Variants in CDH20 observed in about 807,000 individuals in gnomAD.
The protein encoded by CDH20 is cadherin-20.
In CDH20, 29 loss-of-function variants were observed where a neutral mutation model predicts 74.2. The observed-to-expected ratio is 0.39, with a 90% confidence interval of 0.29 to 0.53. The LOEUF (loss-of-function observed/expected upper bound fraction) is 0.53, where lower values mean the gene tolerates loss of function less well. Ranked by LOEUF, CDH20 falls within the 20% of genes least tolerant of loss-of-function variation. The pLI is 0.69. For missense variants in CDH20, 988 were observed against 1,048.3 expected (o/e 0.94, Z 0.79); for synonymous variants, 469 against 405.4 (o/e 1.16, Z -1.88).
rs546229904 is a variant in CDH20, at chr18:61,433,722, T to C, written c.-152-56680T>C. On this transcript the variant is annotated intron_variant, in intron 1 of 11. Transcript: ENST00000262717. ...TATGAATAGAAGGTGTTTTCTGAAT[T>C]TTACTTGGGCACTTGCCTCTCCTGG... is the stretch of plus-strand genomic sequence containing the variant. Among the ~76,000 whole-genome samples, 50 of 152,296 alleles carry C rather than the reference T, an allele frequency of 3.3e-4. 1 individual carries two copies. Among genetic ancestry groups the C allele is most frequent in the African/African-American group, 1.2e-3 (49 of 41,570 alleles).
chr18:61,535,923 C>T (rs934257376), intron 7 of CDH20, among the ~76,000 whole-genome samples: 7 of 152,124 alleles, frequency 4.6e-5, no homozygotes, highest in Non-Finnish European at 5.9e-5. Context: ...CTGCTAAAAG[C>T]ATACCACAGT....
intron 1 of CDH20, among the ~76,000 whole-genome samples, chr18:61,394,400 G>A (rs1013953229): frequency 6.6e-6 from 1 of 152,078 alleles, no homozygotes; most frequent in Non-Finnish European, 1.5e-5. Flanking sequence ...CAGTATGACT[G>A]GGGTCCATAT....
At chr18:61,432,002 C>T (rs1373386977) in intron 1 of CDH20, among the ~76,000 whole-genome samples, 1 of 151,866 alleles carries the variant, frequency 6.6e-6, no homozygotes, top group Non-Finnish European at 1.5e-5. Flanking sequence ...TTTGGGATGT[C>T]GAGGCGGGCA....
chr18:61,409,348 T>C (rs991747741), intron 1 of CDH20, among the ~76,000 whole-genome samples: 1 of 152,148 alleles, frequency 6.6e-6, no homozygotes, highest in African/African-American at 2.4e-5. Context: ...CAGGCACCTG[T>C]TTCTGTCTTT....
chr18:61,396,445 A>G (rs1384768051), intron 1 of CDH20, among the ~76,000 whole-genome samples: 1 of 152,096 alleles, frequency 6.6e-6, no homozygotes, highest in Non-Finnish European at 1.5e-5. Flanking sequence ...CAGAGGGCTT[A>G]AAACATTCTC....
chr18:61,504,394 G>T (rs1292681264), intron 5 of CDH20, among the ~76,000 whole-genome samples: 1 of 152,172 alleles, frequency 6.6e-6, no homozygotes, highest in Non-Finnish European at 1.5e-5. Context: ...AGTCAAAGAT[G>T]ACAATGACGT....
intron 1 of CDH20, among the ~76,000 whole-genome samples, chr18:61,480,603 T>C (rs550010913): frequency 3.3e-5 from 5 of 152,332 alleles, no homozygotes; most frequent in Admixed American, 2.6e-4. Context: ...TTTATCTCAG[T>C]GACCAGAGGG....
intron 1 of CDH20, among the ~76,000 whole-genome samples, chr18:61,366,667 A>G (rs1316675723): frequency 1.3e-5 from 2 of 152,236 alleles, no homozygotes; most frequent in Middle Eastern, 3.4e-3. Context: ...ATAATTTGTT[A>G]TACAAATTAG....
intron 1 of CDH20, among the ~76,000 whole-genome samples, chr18:61,452,264 A>AATTTT (rs1233769634): frequency 9.2e-5 from 14 of 152,050 alleles, no homozygotes. Flanking sequence ...GTATGTGTGA[A>AATTTT]ATTTTATGTT....
intron 1 of CDH20, among the ~76,000 whole-genome samples, chr18:61,344,686 G>A (rs1714074187): frequency 6.6e-6 from 1 of 151,916 alleles, no homozygotes; most frequent in Non-Finnish European, 1.5e-5. Flanking sequence ...AAGGTTTTTA[G>A]GGCTTAAAAA....
Position 61,498,586 on chromosome 18 carries a change from T to C in CDH20, c.247-600T>C, listed in dbSNP as rs143776187. 4.6e-3 allele frequency among the ~76,000 whole-genome samples: 698 copies of C among 152,242 alleles called. 9 individuals are homozygous for C. Among genetic ancestry groups the C allele is most frequent in the African/African-American group, 0.016 (663 of 41,536 alleles). ...AATCATAACCAGCAGTTAAATTCCA[T>C]TTGACACCTGAAACACAAGCCCAGT... On this transcript the variant is annotated intron_variant, in intron 2 of 11. Transcript: ENST00000262717.
intron 7 of CDH20, among the ~76,000 whole-genome samples, chr18:61,532,496 T>C (rs541596927): frequency 1.3e-5 from 2 of 151,816 alleles, no homozygotes; most frequent in Admixed American, 1.3e-4. Context: ...TTACCAACGA[T>C]ATATATGCAC....
At chr18:61,422,587 C>T (rs7240973) in intron 1 of CDH20, among the ~76,000 whole-genome samples, 2,975 of 151,988 alleles carry the variant, frequency 0.02, 105 homozygotes, top group African/African-American at 0.068. Context: ...TTTTAAAAAA[C>T]CTCAAACTTT....
intron 6 of CDH20, among the ~76,000 whole-genome samples, chr18:61,510,103 G>T (rs1364424724): frequency 1.3e-5 from 2 of 152,212 alleles, no homozygotes; most frequent in East Asian, 3.9e-4. Flanking sequence ...TTTGTAGAAG[G>T]GTCCTGCACT....
intron 1 of CDH20, among the ~76,000 whole-genome samples, chr18:61,448,498 T>C (rs915089108): frequency 2.6e-4 from 39 of 152,218 alleles, no homozygotes; most frequent in African/African-American, 9.4e-4. Context: ...GAAAATTATG[T>C]AAACTGCCCT....
intron 1 of CDH20, among the ~76,000 whole-genome samples, chr18:61,403,806 G>A (rs1308442993): frequency 6.6e-6 from 1 of 152,072 alleles, no homozygotes; most frequent in African/African-American, 2.4e-5. Flanking sequence ...AGATACAAGC[G>A]CACGTATATT....
chr18:61,424,281 C>G (rs1262112512), intron 1 of CDH20, among the ~76,000 whole-genome samples: 1 of 152,190 alleles, frequency 6.6e-6, no homozygotes, highest in Non-Finnish European at 1.5e-5. Flanking sequence ...TTATTGTTAG[C>G]TACAGTGAGC....
chr18:61,409,580 A>C (rs1304565242), intron 1 of CDH20, among the ~76,000 whole-genome samples: 3 of 152,162 alleles, frequency 2.0e-5, no homozygotes, highest in Non-Finnish European at 4.4e-5. Flanking sequence ...GATGGACATA[A>C]TGCCTCCACA....
At chr18:61,349,815 C>G (rs1910247308) in intron 1 of CDH20, among the ~76,000 whole-genome samples, 1 of 150,952 alleles carries the variant, frequency 6.6e-6, no homozygotes, top group Non-Finnish European at 1.5e-5. Flanking sequence ...GTGTTTTAAT[C>G]TATCTCACGC....
Sources: allele counts gnomAD v4.1 joint callset (sites outside exome capture counted in the v4.1 genomes callset), GRCh38; gene constraint gnomAD v4.1.1; transcripts MANE v1.5; gene names NCBI Gene and HGNC (gene_info 2026-07-23, HGNC 2026-07-21).